TIMM44: variants seen among roughly 807,000 people sequenced by gnomAD.
TIMM44 encodes the protein mitochondrial import inner membrane translocase subunit TIM44.
A neutral mutation model predicts 63.8 loss-of-function variants in TIMM44; 37 were observed. The ratio of observed to expected loss-of-function variants is 0.58; its 90% CI spans 0.45 to 0.76. The LOEUF is 0.76. Ranked by LOEUF, TIMM44 falls within the 30% of genes least tolerant of loss-of-function variation. The pLI, the probability that TIMM44 is intolerant of heterozygous loss-of-function variation, is 0.00. For synonymous variants in TIMM44, 239 were observed against 245.1 expected (o/e 0.98, Z 0.23); for missense variants, 573 against 603.8 (o/e 0.95, Z 0.54).
chr19:7,933,999 AC>A lies in TIMM44; in HGVS notation c.547del (p.Val183TrpfsTer4), dbSNP rs1446250144. 1.9e-6 allele frequency: 3 copies of A among 1,613,522 alleles called. No individual in the cohort carries two copies. Among genetic ancestry groups the A allele is most frequent in the Admixed American group, 1.7e-5 (1 of 59,982 alleles). ...GTCAATTTCCTTCTTCACGGACTCC[AC>A]CCCCTGCGAGGGAGGCACAGCGGGG... ...TAAFRALSQG[V>X]ESVKKEIDDS... On this transcript the variant is annotated frameshift_variant, in exon 6 of 13. Transcript: ENST00000270538. LOFTEE classifies it high-confidence loss of function. This position sits in a 1 kb window ranked among gnomAD's most constrained non-coding sequence, Gnocchi z 4.3.
Position 7,941,205 on chromosome 19 carries a change from G to C in TIMM44, c.46-8C>G, listed in dbSNP as rs192670629. The C allele has an allele frequency of 1.5e-4, 238 of 1,605,026 alleles. 1 individual carries two copies. Among genetic ancestry groups the C allele is most frequent in the East Asian group, 1.1e-3 (51 of 44,828 alleles). ...TCCACTGCCGAGGCATCTCTAATTG[G>C]GGGGAGAGAAGAGAAAGATCCATTC... is the stretch of plus-strand genomic sequence containing the variant. On this transcript the variant is annotated splice_polypyrimidine_tract_variant and splice_region_variant and intron_variant, in intron 1 of 12. Coordinates refer to ENST00000270538, the MANE Select transcript of TIMM44 (RefSeq NM_006351.4).
At chr19:7,932,549 A>G (rs1984015297) in intron 9 of TIMM44, 78 bp downstream of exon 9, 4 of 1,587,368 alleles carry the variant, frequency 2.5e-6, no homozygotes, top group Non-Finnish European at 3.4e-6. Flanking sequence ...GGCAGCACCC[A>G]GGGTGCCGGC....
chr19:7,932,701 G>C lies in TIMM44; in HGVS notation c.913C>G (p.Arg305Gly). The part of the protein sequence containing the change: ...EMSEVLTEIL[R>G]VDPAFDKDRF... ...TCCTTGTCAAAGGCCGGGTCCACCCGGAGGATCTCCGTGAGCACCTCCGAC... is the reference window on the plus strand; with the variant it reads ...TCCTTGTCAAAGGCCGGGTCCACCCCGAGGATCTCCGTGAGCACCTCCGAC... Residue 305 changes from arginine to glycine, a missense_variant, in exon 9 of 13, where the codon CGG becomes GGG. Coordinates refer to ENST00000270538, the MANE Select transcript of TIMM44 (RefSeq NM_006351.4). 1 of 1,614,166 alleles carries C rather than the reference G, an allele frequency of 6.2e-7. No homozygotes were observed. The highest frequency in any genetic ancestry group is 1.1e-5 in the South Asian group (1 of 91,086).
intron 3 of TIMM44, 198 bp downstream of exon 3, chr19:7,937,829 C>T: frequency 3.4e-6 from 2 of 580,612 alleles, no homozygotes; most frequent in African/African-American, 1.9e-5. Context: ...ACCAGCCTGG[C>T]CAACATGGTG....
chr19:7,933,411 T>C lies in TIMM44; in HGVS notation c.769+74A>G, dbSNP rs182291731. The C allele has an allele frequency of 9.7e-4, 1,319 of 1,356,124 alleles. 8 individuals carry two copies. The African/African-American group carries it at 0.017, about 18-fold the overall frequency. 84.0% of individuals were successfully genotyped at this position (1,356,124 alleles called of 1,614,324 possible). ...CAAAACGGGGCTGTCTTGTGCCCAA[T>C]GCAGGGGGATCACCTTGCGGTCCAC... On this transcript the variant is annotated intron_variant, in intron 7 of 12. Transcript: ENST00000270538. The surrounding 1 kb of genome is among the most constrained non-coding windows in gnomAD (Gnocchi z 4.3).
In TIMM44 at chr19:7,927,474, AAC is replaced by A. The variant is rs1279565006; in HGVS notation, c.1240-170_1240-169del. 2.9e-6 allele frequency: 3 copies of A among 1,043,876 alleles called. No individual in the cohort carries two copies. In the African/African-American group the frequency reaches 4.7e-5, roughly 16 times the overall value. 64.7% of individuals were successfully genotyped at this position (1,043,876 alleles called of 1,614,324 possible). On this transcript the variant is annotated intron_variant, in intron 12 of 12. Transcript: ENST00000270538. ...TCAGGAACCACTCAGCCTTGGTAAAAACAGACAGGTCTGCTGGTCTCCGACCT... is the reference window on the plus strand; with the variant it reads ...TCAGGAACCACTCAGCCTTGGTAAAAAGACAGGTCTGCTGGTCTCCGACCT...
At chr19:7,928,978 G>T (rs1983897958) in intron 10 of TIMM44, 1 of 149,554 alleles carries the variant, frequency 6.7e-6, no homozygotes, top group African/African-American at 2.5e-5. Context: ...ATGCCTGCTG[G>T]ATTAGTCACC....
At chr19:7,927,796 C>A in intron 11 of TIMM44, 29 bp from the exon 12 acceptor site, 4 of 1,599,484 alleles carry the variant, frequency 2.5e-6, no homozygotes, top group Non-Finnish European at 3.4e-6. Context: ...GGGGGATGTG[C>A]CTCAGAGGAC....
Position 7,927,798 on chromosome 19 carries a change from T to C in TIMM44, c.1129-31A>G, listed in dbSNP as rs200341340. On this transcript the variant is annotated intron_variant, in intron 11 of 12. Coordinates refer to ENST00000270538, the MANE Select transcript of TIMM44 (RefSeq NM_006351.4). Reference sequence around the variant, plus strand: ...GAGGGGCCGAGAGGGGGGATGTGCCTCAGAGGACAGCCCGGCTGCTCCCCT... The same window carrying C: ...GAGGGGCCGAGAGGGGGGATGTGCCCCAGAGGACAGCCCGGCTGCTCCCCT... The C allele has an allele frequency of 8.8e-6, 14 of 1,595,126 alleles. No homozygotes were observed. The East Asian group carries it at 3.1e-4, about 36-fold the overall frequency.
intron 11 of TIMM44, 141 bp downstream of exon 11, chr19:7,927,936 A>G (rs572819652): frequency 6.3e-6 from 7 of 1,104,680 alleles, no homozygotes; most frequent in Non-Finnish European, 9.3e-6. Flanking sequence ...GCCTCCCTCG[A>G]GACCCTCCCC....
chr19:7,933,400 C>T lies in TIMM44; in HGVS notation c.769+85G>A. ...CTCCTCCTCTGCAAAACGGGGCTGT[C>T]TTGTGCCCAATGCAGGGGGATCACC... On this transcript the variant is annotated intron_variant, in intron 7 of 12. Coordinates refer to ENST00000270538, the MANE Select transcript of TIMM44 (RefSeq NM_006351.4). This position sits in a 1 kb window ranked among gnomAD's most constrained non-coding sequence, Gnocchi z 4.3. 2.4e-6 allele frequency: 3 copies of T among 1,250,000 alleles called. No homozygotes were observed. The highest frequency in any genetic ancestry group is 2.4e-6 in the Non-Finnish European group (2 of 847,386). 77.4% of individuals were successfully genotyped at this position (1,250,000 alleles called of 1,614,324 possible). A position where few individuals can be genotyped will look rare whatever the true frequency, so the allele number is the denominator to read the frequency against.
At chr19:7,938,588 C>T (rs1273902007) in intron 2 of TIMM44, among the ~76,000 whole-genome samples, 3 of 152,116 alleles carry the variant, frequency 2.0e-5, no homozygotes, top group Non-Finnish European at 4.4e-5. Context: ...GGGCAGATCA[C>T]CTGAGGTCAG....
chr19:7,928,468 GC>G (rs1341959685), intron 10 of TIMM44: 1 of 431,428 alleles, frequency 2.3e-6, no homozygotes, highest in Non-Finnish European at 4.2e-6. Context: ...TAAGCTGGCG[GC>G]CCCTTGGCTG....
chr19:7,928,371 C>G (rs542670770), intron 10 of TIMM44: 26 of 589,302 alleles, frequency 4.4e-5, no homozygotes, highest in Non-Finnish European at 7.6e-5. Flanking sequence ...GGGAACAACA[C>G]TCTATCCAGA....
Position 7,941,194 on chromosome 19 carries a change from A to T in TIMM44, c.49T>A (p.Cys17Ser). 3 of 1,612,658 alleles carry T rather than the reference A, an allele frequency of 1.9e-6. No individual in the cohort carries two copies. Among genetic ancestry groups the T allele is most frequent in the Non-Finnish European group, 2.5e-6 (3 of 1,178,718 alleles). The part of the protein sequence containing the change: ...RSGWCRCPRR[C>S]LGSGIQFLSS... ...AGAAATTGGATTCCACTGCCGAGGC[A>T]TCTCTAATTGGGGGGAGAGAAGAGA... is the stretch of plus-strand genomic sequence containing the variant. The change falls in exon 2 of 13, where the codon TGC becomes AGC. Residue 17 changes from cysteine to serine, a missense_variant. Cys to Ser is a moderately radical substitution (Grantham distance 112). Transcript: ENST00000270538.
chr19:7,929,516 G>A (rs1232153166), intron 10 of TIMM44, among the ~76,000 whole-genome samples: 1 of 152,198 alleles, frequency 6.6e-6, no homozygotes, highest in Non-Finnish European at 1.5e-5. Context: ...CTCTTCCAGG[G>A]GCTGTTTGGT....
chr19:7,943,542 G>T lies in TIMM44; in HGVS notation c.45+65C>A. 1 of 1,525,768 alleles carries T rather than the reference G, an allele frequency of 6.6e-7. No individual in the cohort carries two copies. 94.5% of individuals were successfully genotyped at this position (1,525,768 alleles called of 1,614,324 possible). A position where few individuals can be genotyped will look rare whatever the true frequency, so the allele number is the denominator to read the frequency against. ...CGAAGGCCAAGGGTCTGAGAAGAAA[G>T]CCTTGGTGGCCGAAGGCCCAGAAGA... On this transcript the variant is annotated intron_variant, in intron 1 of 12. Transcript: ENST00000270538. The surrounding 1 kb of genome is among the most constrained non-coding windows in gnomAD (Gnocchi z 4.3).
At position 7,933,689 on chromosome 19, in the gene TIMM44, GCTCTGAGGACCCCGCCCTCACCTCTCACC is replaced by G. The variant is rs1265357497; in HGVS notation, c.683+146_684-120del. On this transcript the variant is annotated intron_variant, in intron 6 of 12. Coordinates refer to ENST00000270538, the MANE Select transcript of TIMM44 (RefSeq NM_006351.4). The surrounding 1 kb of genome is among the most constrained non-coding windows in gnomAD (Gnocchi z 4.3). ...GGCAGCTGAGACCTCAAACCTAGGG[GCTCTGAGGACCCCGCCCTCACCTCTCACC>G]CTCAAATTCGAGGGAGCCGGGAACC... 1.6e-6 allele frequency: 2 copies of G among 1,289,830 alleles called. No individual in the cohort carries two copies. The highest frequency in any genetic ancestry group is 2.2e-6 in the Non-Finnish European group (2 of 893,538). 79.9% of individuals were successfully genotyped at this position (1,289,830 alleles called of 1,614,324 possible).
Position 7,932,611 on chromosome 19 carries a change from G to A in TIMM44, c.987+16C>T. The A allele has an allele frequency of 1.2e-6, 2 of 1,612,552 alleles. No individual in the cohort carries two copies. Among genetic ancestry groups the A allele is most frequent in the Non-Finnish European group, 1.7e-6 (2 of 1,179,968 alleles). On this transcript the variant is annotated intron_variant, in intron 9 of 12. Coordinates refer to ENST00000270538, the MANE Select transcript of TIMM44 (RefSeq NM_006351.4). ...GACCTGCCGCCTGGGAGGGGTCCTGGGGGTGTGGCACCCACCTCCAGGACA... is the reference window on the plus strand; with the variant it reads ...GACCTGCCGCCTGGGAGGGGTCCTGAGGGTGTGGCACCCACCTCCAGGACA...
Sources: allele counts gnomAD v4.1 joint callset (sites outside exome capture counted in the v4.1 genomes callset), GRCh38; gene constraint gnomAD v4.1.1; non-coding constraint Gnocchi (gnomAD v3.1); transcripts MANE v1.5; gene names NCBI Gene and HGNC (gene_info 2026-07-23, HGNC 2026-07-21).